Variants in CPN1 observed in about 807,000 individuals in gnomAD.
CPN1 encodes carboxypeptidase N catalytic chain.
Under a neutral mutation model 46.4 loss-of-function variants are expected in CPN1, and 37 were observed. The observed-to-expected ratio is 0.80, with a 90% CI of 0.61 to 1.05. CPN1 has a LOEUF of 1.05. CPN1 is among the 50% of genes least tolerant of loss of function. The probability of loss-of-function intolerance (pLI) is 0.00; values close to 1 mark genes in which losing one functional copy is unlikely to be tolerated. For synonymous variants in CPN1, 224 were observed against 235.4 expected (o/e 0.95, Z 0.44); for missense variants, 563 against 602.6 (o/e 0.93, Z 0.69).
chr10:100,063,332 A>G (rs2041431731), intron 5 of CPN1, among the ~76,000 whole-genome samples: 1 of 151,796 alleles, frequency 6.6e-6, no homozygotes, highest in African/African-American at 2.4e-5. Flanking sequence ...TGTGTTAGCC[A>G]GGATGGTCTC....
chr10:100,057,292 C>T, intron 5 of CPN1, 140 bp from the exon 6 acceptor site: 1 of 933,926 alleles, frequency 1.1e-6, no homozygotes, highest in Non-Finnish European at 1.6e-6. Flanking sequence ...ATTTCATTGG[C>T]ACATAATGTG....
At chr10:100,075,844 T>C in intron 2 of CPN1, 67 bp downstream of exon 2, 1 of 1,484,974 alleles carries the variant, frequency 6.7e-7, no homozygotes, top group South Asian at 1.1e-5. Context: ...GAGGGAATCT[T>C]GTCCACTGGA....
At chr10:100,081,289 A>G in intron 1 of CPN1, 114 bp downstream of exon 1, 1 of 884,304 alleles carries the variant, frequency 1.1e-6, no homozygotes, top group Non-Finnish European at 1.8e-6. Flanking sequence ...TGAGAAAGAG[A>G]TAATACCTTG....
chr10:100,076,160 C>G lies in CPN1; in HGVS notation c.224-53G>C. 1.9e-6 allele frequency: 3 copies of G among 1,562,048 alleles called. No individual in the cohort carries two copies. The Admixed American group carries it at 5.0e-5, about 26-fold the overall frequency. On this transcript the variant is annotated intron_variant, in intron 1 of 8. Coordinates refer to ENST00000370418, the MANE Select transcript of CPN1 (RefSeq NM_001308.3). ...GCTTGGAAGTGTCATTGATGCCTAA[C>G]CTTGCAGAAGGACCTTTTTTCTCTT...
intron 5 of CPN1, among the ~76,000 whole-genome samples, chr10:100,060,102 G>C (rs61871694): frequency 0.076 from 11,515 of 152,212 alleles, 760 homozygotes; most frequent in African/African-American, 0.18. Flanking sequence ...GGGAAATGGA[G>C]AGTTATTGTT....
chr10:100,064,207 A>G (rs1272506023), intron 4 of CPN1, among the ~76,000 whole-genome samples: 1 of 152,074 alleles, frequency 6.6e-6, no homozygotes, highest in African/African-American at 2.4e-5. Context: ...AGGGAGAGGA[A>G]TATATTTGAA....
At chr10:100,046,697 C>A (rs541533673) in intron 8 of CPN1, among the ~76,000 whole-genome samples, 50 of 151,396 alleles carry the variant, frequency 3.3e-4, no homozygotes, top group African/African-American at 1.2e-3. Context: ...CACTTGAACC[C>A]GGGAGGCGGA....
chr10:100,067,787 G>C (rs1279162492), intron 3 of CPN1, among the ~76,000 whole-genome samples: 1 of 152,076 alleles, frequency 6.6e-6, no homozygotes, highest in Non-Finnish European at 1.5e-5. Context: ...ATATGGAATG[G>C]GATCCTCTGA....
rs759277304 is a variant in CPN1, at chr10:100,069,711, T to C, written c.576+3A>G. On this transcript the variant is annotated splice_donor_region_variant and intron_variant, in intron 3 of 8. Coordinates refer to ENST00000370418, the MANE Select transcript of CPN1 (RefSeq NM_001308.3). ...TGCTTTGTTTGCAAATTTCATCTCC[T>C]ACCTGACTTTTCCAGTTGTCTGGAA... is the stretch of plus-strand genomic sequence containing the variant. The C allele has an allele frequency of 1.2e-6, 2 of 1,614,020 alleles. No individual in the cohort carries two copies.
At chr10:100,057,358 T>C (rs2041390358) in intron 5 of CPN1, among the ~76,000 whole-genome samples, 1 of 152,202 alleles carries the variant, frequency 6.6e-6, no homozygotes, top group South Asian at 2.1e-4. Flanking sequence ...GCACACATAG[T>C]GACGTTTCAA....
rs752138934 is a variant in CPN1 at position 100,057,139 on chromosome 10, A to G, written c.885T>C (p.Phe295=). 13 of 1,613,988 alleles carry G rather than the reference A, an allele frequency of 8.1e-6. No individual in the cohort carries two copies. Among genetic ancestry groups the G allele is most frequent in the African/African-American group, 1.3e-5 (1 of 74,924 alleles). Reference sequence around the variant, plus strand: ...CAAAGCAGTTGGTATGGAGATAATTAAAGTCTTGCATTCCTAAGGGAAAGA... The same window carrying G: ...CAAAGCAGTTGGTATGGAGATAATTGAAGTCTTGCATTCCTAAGGGAAAGA... ...WYSLSKGMQD[F]NYLHTNCFEI... is the part of the protein sequence containing the mutation. The change falls in exon 6 of 9, where the codon TTT becomes TTC. Residue 295 remains phenylalanine, a synonymous_variant. Coordinates refer to ENST00000370418, the MANE Select transcript of CPN1 (RefSeq NM_001308.3).
chr10:100,062,338 A>G (rs2041424380), intron 5 of CPN1, among the ~76,000 whole-genome samples: 2 of 152,132 alleles, frequency 1.3e-5, no homozygotes, highest in South Asian at 4.1e-4. Flanking sequence ...TCTGCTCTTG[A>G]AGGTTACATT....
At position 100,051,961 on chromosome 10, in the gene CPN1, C is replaced by T. The variant is rs544255713; in HGVS notation, c.1111+2386G>A. ...CTCTGCCCAGGCTGGAGTGCAGTGA[C>T]GTGATTTCGGCTCACTGCAACCTCC... On this transcript the variant is annotated intron_variant, in intron 7 of 8. Transcript: ENST00000370418. 9.2e-5 allele frequency among the ~76,000 whole-genome samples: 14 copies of T among 152,088 alleles called. 1 individual carries two copies. The highest frequency in any genetic ancestry group is 7.7e-4 in the East Asian group (4 of 5,162).
At position 100,063,597 on chromosome 10, in the gene CPN1, C is replaced by T; in HGVS notation, c.871+17G>A. The T allele has an allele frequency of 1.7e-5, 26 of 1,569,160 alleles. No individual in the cohort carries two copies. Among genetic ancestry groups the T allele is most frequent in the Non-Finnish European group, 2.3e-5 (26 of 1,139,290 alleles). On this transcript the variant is annotated intron_variant, in intron 5 of 8. Coordinates refer to ENST00000370418, the MANE Select transcript of CPN1 (RefSeq NM_001308.3). ...CTATTCCACTTCAGCTTGAGCAGTT[C>T]CCAGGACTCCCCTTACCCTTGCTGA... is the stretch of plus-strand genomic sequence containing the variant.
rs375215260 is a variant in CPN1, at chr10:100,069,731, C to G, written c.559G>C (p.Asp187His). 11 of 1,613,702 alleles carry G rather than the reference C, an allele frequency of 6.8e-6. No individual in the cohort carries two copies. The African/African-American group carries it at 1.5e-4, about 22-fold the overall frequency. Residue 187 changes from aspartate to histidine, a missense_variant, in exon 3 of 9, where the codon GAC (aspartate) becomes CAC (histidine). By Grantham distance (81) the Asp-to-His change is moderately conservative. Coordinates refer to ENST00000370418, the MANE Select transcript of CPN1 (RefSeq NM_001308.3). ...TCTCCTACCTGACTTTTCCAGTTGTCTGGAAGGGGCAGGTGGTGGTTGGGG... is the reference window on the plus strand; with the variant it reads ...TCTCCTACCTGACTTTTCCAGTTGTGTGGAAGGGGCAGGTGGTGGTTGGGG... ...GGPNHHLPLP[D>H]NWKSQVEPET...
At chr10:100,045,360 A>G (rs1411069106) in intron 8 of CPN1, among the ~76,000 whole-genome samples, 3 of 152,226 alleles carry the variant, frequency 2.0e-5, no homozygotes, top group Non-Finnish European at 4.4e-5. Context: ...ATAACAAGAA[A>G]AAAGGGAAAG....
At chr10:100,043,071 G>A (rs578032673) in intron 8 of CPN1, among the ~76,000 whole-genome samples, 3 of 147,168 alleles carry the variant, frequency 2.0e-5, no homozygotes, top group Admixed American at 6.8e-5. Context: ...TCCAGCCTGG[G>A]TGACAGCGAG....
At chr10:100,047,164 C>T (rs151279655) in intron 8 of CPN1, among the ~76,000 whole-genome samples, 296 of 152,158 alleles carry the variant, frequency 1.9e-3, no homozygotes, top group Non-Finnish European at 2.4e-3. Flanking sequence ...GAGTCTGAGG[C>T]TGCAGTGAGC....
intron 1 of CPN1, among the ~76,000 whole-genome samples, chr10:100,077,605 T>G (rs1451002986): frequency 6.6e-6 from 1 of 152,200 alleles, no homozygotes; most frequent in Non-Finnish European, 1.5e-5. Flanking sequence ...AATTTTTAAC[T>G]TGTGACACCA....
Sources: allele counts gnomAD v4.1 joint callset (sites outside exome capture counted in the v4.1 genomes callset), GRCh38; gene constraint gnomAD v4.1.1; transcripts MANE v1.5; gene names NCBI Gene and HGNC (gene_info 2026-07-23, HGNC 2026-07-21).